ZNF385D: variants seen among roughly 807,000 people sequenced by gnomAD.
ZNF385D encodes the protein zinc finger protein 385D, also known as zinc finger protein 659.
In ZNF385D, 15 loss-of-function variants were observed where a neutral mutation model predicts 35.8. That is an observed-to-expected ratio of 0.42 (90% CI 0.28 to 0.64). The LOEUF (loss-of-function observed/expected upper bound fraction) is 0.64, where lower values mean the gene tolerates loss of function less well. ZNF385D is among the 30% of genes least tolerant of loss of function. The pLI is 0.23. For synonymous variants in ZNF385D, 212 were observed against 186.8 expected, an observed-to-expected ratio of 1.13 and a Z score of -1.10; for missense variants, 474 against 494.6, an observed-to-expected ratio of 0.96 and a Z score of 0.39.
At chr3:22,088,318 C>T (rs2125596332) in intron 3 of ZNF385D, among the ~76,000 whole-genome samples, 2 of 152,214 alleles carry the variant, frequency 1.3e-5, no homozygotes. Flanking sequence ...AATCTCCTTC[C>T]CATCTTGCTC....
At position 22,225,635 on chromosome 3, in the gene ZNF385D, T is replaced by A. The variant is rs567342296; in HGVS notation, c.107-56600A>T. 6.6e-5 allele frequency among the ~76,000 whole-genome samples: 10 copies of A among 152,298 alleles called. No homozygotes were observed. The South Asian group carries it at 2.1e-3, about 32-fold the overall frequency. On this transcript the variant is annotated intron_variant, in intron 2 of 5. Coordinates refer to the ZNF385D transcript ENST00000494108. Reference sequence around the variant, plus strand: ...ACTGTGGTAGCTGCATTATAACACATCCTAAAGGCTGTCTTTCCTTCCCTG... The same window carrying A: ...ACTGTGGTAGCTGCATTATAACACAACCTAAAGGCTGTCTTTCCTTCCCTG...
At chr3:21,591,393 A>T (rs1448653664) in intron 2 of ZNF385D, among the ~76,000 whole-genome samples, 3 of 152,190 alleles carry the variant, frequency 2.0e-5, no homozygotes, top group Admixed American at 6.5e-5. Context: ...GGAGGGGGGA[A>T]CATCAGTGAA....
chr3:21,716,798 T>C (rs4574320), intron 1 of ZNF385D, among the ~76,000 whole-genome samples: 5,441 of 152,274 alleles, frequency 0.036, 173 homozygotes, highest in South Asian at 0.13. Flanking sequence ...GTTTTTTGTT[T>C]TGTTTTGTTC....
At chr3:22,291,316 C>G (rs1362148548) in intron 2 of ZNF385D, among the ~76,000 whole-genome samples, 1 of 152,044 alleles carries the variant, frequency 6.6e-6, no homozygotes, top group Non-Finnish European at 1.5e-5. Context: ...TAGTGTTGTT[C>G]AACATTTAAC....
chr3:21,869,805 A>G (rs1050067234), intron 3 of ZNF385D, among the ~76,000 whole-genome samples: 2 of 152,108 alleles, frequency 1.3e-5, no homozygotes, highest in Non-Finnish European at 2.9e-5. Context: ...CCAATCTAAG[A>G]TAGCATTTAA....
At chr3:21,888,367 T>A (rs564439428) in intron 3 of ZNF385D, among the ~76,000 whole-genome samples, 1 of 152,098 alleles carries the variant, frequency 6.6e-6, no homozygotes, top group Admixed American at 6.6e-5. Context: ...AGGAAGAGAC[T>A]TGAAGACCAC....
At chr3:21,943,360 ATTAT>A (rs1390062635) in intron 3 of ZNF385D, among the ~76,000 whole-genome samples, 5 of 151,438 alleles carry the variant, frequency 3.3e-5, no homozygotes, top group East Asian at 1.9e-4. Flanking sequence ...AGAATAAGTA[ATTAT>A]TTATTTGACT....
At chr3:21,982,654 C>A (rs1694541417) in intron 3 of ZNF385D, among the ~76,000 whole-genome samples, 2 of 152,152 alleles carry the variant, frequency 1.3e-5, no homozygotes, top group African/African-American at 4.8e-5. Context: ...GCATACTTGT[C>A]TTGAGCTGGT....
At chr3:21,978,882 A>T (rs896111263) in intron 3 of ZNF385D, among the ~76,000 whole-genome samples, 5 of 152,182 alleles carry the variant, frequency 3.3e-5, no homozygotes, top group Admixed American at 3.3e-4. Context: ...TCAACTTAAA[A>T]AAAATTTACT....
chr3:21,806,032 G>A (rs2072625809), intron 3 of ZNF385D, among the ~76,000 whole-genome samples: 1 of 152,054 alleles, frequency 6.6e-6, no homozygotes, highest in South Asian at 2.1e-4. Flanking sequence ...CAGGCATACA[G>A]CCTTGTTCTC....
At chr3:21,627,117 A>T (rs544857032) in intron 2 of ZNF385D, among the ~76,000 whole-genome samples, 15 of 151,348 alleles carry the variant, frequency 9.9e-5, no homozygotes, top group African/African-American at 3.4e-4. Context: ...CACTAAGATT[A>T]TGTCTTTTGG....
At chr3:21,729,491 G>A (rs2068901642) in intron 1 of ZNF385D, among the ~76,000 whole-genome samples, 2 of 151,962 alleles carry the variant, frequency 1.3e-5, no homozygotes, top group Admixed American at 6.6e-5. Context: ...AAGGACTTTG[G>A]CAATCTTATC....
chr3:22,017,353 A>G (rs1376064079), intron 3 of ZNF385D, among the ~76,000 whole-genome samples: 1 of 151,746 alleles, frequency 6.6e-6, no homozygotes, highest in Non-Finnish European at 1.5e-5. Context: ...ATGCTATACC[A>G]CTGTTCTTTC....
At position 21,751,043 on chromosome 3, in the gene ZNF385D, G is replaced by A. The variant is rs903487130; in HGVS notation, c.-127C>T. The A allele has an allele frequency of 2.0e-5, 32 of 1,561,804 alleles. No homozygotes were observed. The highest frequency in any genetic ancestry group is 4.6e-4 in the Middle Eastern group (2 of 4,344). On this transcript the variant is annotated 5_prime_UTR_variant, in exon 1 of 8. Transcript: ENST00000281523. ...GTCCCCGGCGTGGAGAGCAGTGAGC[G>A]CCGAGAGCGTGCCTCCTCCGCGGGA... is the stretch of plus-strand genomic sequence containing the variant.
At chr3:21,880,084 G>A (rs1428442874) in intron 3 of ZNF385D, among the ~76,000 whole-genome samples, 1 of 151,846 alleles carries the variant, frequency 6.6e-6, no homozygotes, top group East Asian at 1.9e-4. Context: ...GCCAAATGAA[G>A]TATTTCAAAT....
chr3:21,793,811 C>G (rs1165258953), intron 3 of ZNF385D, among the ~76,000 whole-genome samples: 2 of 152,216 alleles, frequency 1.3e-5, no homozygotes, highest in Admixed American at 6.5e-5. Flanking sequence ...GACCAGGATG[C>G]TGAAATCCAC....
At chr3:21,863,449 G>T (rs1697169236) in intron 3 of ZNF385D, among the ~76,000 whole-genome samples, 1 of 152,096 alleles carries the variant, frequency 6.6e-6, no homozygotes, top group African/African-American at 2.4e-5. Flanking sequence ...CATATCGAAA[G>T]TTTGTCTTCA....
chr3:22,218,488 T>C (rs1462936346), intron 2 of ZNF385D, among the ~76,000 whole-genome samples: 5 of 152,100 alleles, frequency 3.3e-5, no homozygotes, highest in Non-Finnish European at 7.4e-5. Context: ...TGTGTATCTA[T>C]GTACATATAT....
At chr3:21,895,271 T>C (rs1699073524) in intron 3 of ZNF385D, among the ~76,000 whole-genome samples, 1 of 149,424 alleles carries the variant, frequency 6.7e-6, no homozygotes, top group Non-Finnish European at 1.5e-5. Flanking sequence ...TTCCTACAAG[T>C]AGCTGGAAGA....
Sources: allele counts gnomAD v4.1 joint callset (sites outside exome capture counted in the v4.1 genomes callset), GRCh38; gene constraint gnomAD v4.1.1; transcripts MANE v1.5; gene names NCBI Gene and HGNC (gene_info 2026-07-23, HGNC 2026-07-21).